RHOBTB1: variants seen among roughly 807,000 people sequenced by gnomAD.
RHOBTB1 encodes Rho related BTB domain containing 1, also known as rho-related BTB domain-containing protein 1.
A neutral mutation model predicts 71.6 loss-of-function variants in RHOBTB1; 40 were observed. The observed-to-expected ratio is 0.56, with a 90% CI of 0.43 to 0.73. The LOEUF (loss-of-function observed/expected upper bound fraction) is 0.73. Among genes scored for constraint, RHOBTB1 ranks in the 30% least tolerant of loss-of-function variants. The pLI, the probability that RHOBTB1 is intolerant of heterozygous loss-of-function variation, is 0.00. For missense variants in RHOBTB1, 797 were observed against 894.0 expected (o/e 0.89, Z 1.38); for synonymous variants, 319 against 334.9 (o/e 0.95, Z 0.52).
intron 2 of RHOBTB1, among the ~76,000 whole-genome samples, chr10:60,929,840 T>C (rs1057173574): frequency 1.3e-5 from 2 of 152,050 alleles, no homozygotes; most frequent in African/African-American, 2.4e-5. Flanking sequence ...ACATGGAGGA[T>C]CTGAATAACA....
At chr10:60,878,242 G>T (rs2081139144) in intron 7 of RHOBTB1, among the ~76,000 whole-genome samples, 184 bp from the exon 8 acceptor site, 1 of 152,200 alleles carries the variant, frequency 6.6e-6, no homozygotes, top group Non-Finnish European at 1.5e-5. Context: ...TTGATTTGTA[G>T]TTGACAAAAG....
chr10:60,872,285 G>A lies in RHOBTB1; in HGVS notation c.1821C>T (p.His607=), dbSNP rs1391072280. ...VLSYLELAQF[H]NAHQLAAWCL... is the part of the protein sequence containing the mutation. Reference sequence around the variant, plus strand: ...ACCAGGCGGCCAACTGGTGGGCATTGTGAAACTGCAGAAAAGTGAGCAAAA... The same window carrying A: ...ACCAGGCGGCCAACTGGTGGGCATTATGAAACTGCAGAAAAGTGAGCAAAA... Residue 607 remains histidine, a synonymous_variant, in exon 10 of 11, where the codon CAC becomes CAT. Transcript: ENST00000337910. 3 of 1,613,062 alleles carry A rather than the reference G, an allele frequency of 1.9e-6. No homozygotes were observed. The highest frequency in any genetic ancestry group is 2.7e-5 in the African/African-American group (2 of 74,902).
chr10:60,960,811 T>G (rs2085753729), intron 2 of RHOBTB1, among the ~76,000 whole-genome samples: 1 of 152,220 alleles, frequency 6.6e-6, no homozygotes, highest in Admixed American at 6.5e-5. Flanking sequence ...GCTACCTTGT[T>G]GCTTACCACT....
At chr10:60,899,175 A>G (rs1424538481) in intron 4 of RHOBTB1, among the ~76,000 whole-genome samples, 3 of 152,218 alleles carry the variant, frequency 2.0e-5, no homozygotes, top group Non-Finnish European at 2.9e-5. Flanking sequence ...CAGAAGTTGA[A>G]TGCATGTGAA....
intron 1 of RHOBTB1, chr10:60,985,954 G>A (rs2086646577): frequency 6.6e-6 from 1 of 152,160 alleles, no homozygotes; most frequent in Non-Finnish European, 1.5e-5. Context: ...ACCTAGGAAA[G>A]AGATATATAC....
intron 2 of RHOBTB1, among the ~76,000 whole-genome samples, chr10:60,953,900 AT>A (rs2085496609): frequency 6.6e-6 from 1 of 152,218 alleles, no homozygotes; most frequent in South Asian, 2.1e-4. Context: ...GGACTGAGAT[AT>A]TGGGAGATGG....
chr10:60,971,524 C>T (rs2086158490), intron 2 of RHOBTB1, among the ~76,000 whole-genome samples: 1 of 152,100 alleles, frequency 6.6e-6, no homozygotes, highest in African/African-American at 2.4e-5. Context: ...CCATTCCTTA[C>T]ACCTTATACA....
At position 60,974,777 on chromosome 10, in the gene RHOBTB1, G is replaced by A. The variant is rs118056323; in HGVS notation, c.-62+11068C>T. On this transcript the variant is annotated intron_variant, in intron 2 of 11. Transcript: ENST00000357917. ...TAATGTCACCTCTAATTACTTACTG[G>A]TTGCAGGAACCTGCAGAAGAGACTT... Among the ~76,000 whole-genome samples, 451 of 152,188 alleles carry A rather than the reference G, an allele frequency of 3.0e-3. 2 individuals are homozygous for A. Among genetic ancestry groups the A allele is most frequent in the Non-Finnish European group, 5.1e-3 (347 of 67,978 alleles).
chr10:60,914,625 G>A (rs574424017), intron 2 of RHOBTB1, among the ~76,000 whole-genome samples: 2 of 152,268 alleles, frequency 1.3e-5, no homozygotes, highest in South Asian at 4.1e-4. Context: ...CAGCCCCCAA[G>A]AAGGAATCCC....
At chr10:60,962,693 C>T (rs189997486) in intron 2 of RHOBTB1, among the ~76,000 whole-genome samples, 5 of 152,212 alleles carry the variant, frequency 3.3e-5, no homozygotes, top group South Asian at 2.1e-4. Context: ...AGTCTTAAAA[C>T]AATTTACCAT....
chr10:60,889,229 G>GA (rs761984741), intron 5 of RHOBTB1, 44 bp from the exon 6 acceptor site: 820 of 1,531,748 alleles, frequency 5.4e-4, no homozygotes, highest in Admixed American at 7.6e-4. Flanking sequence ...CTTGTTTTAG[G>GA]AAAAAAACAG....
chr10:60,958,202 A>C (rs1162196787), intron 2 of RHOBTB1, among the ~76,000 whole-genome samples: 1 of 152,206 alleles, frequency 6.6e-6, no homozygotes. Flanking sequence ...TATATGCATA[A>C]GGTTGAAGCC....
intron 2 of RHOBTB1, among the ~76,000 whole-genome samples, chr10:60,982,346 G>A (rs1356440398): frequency 1.3e-5 from 2 of 152,164 alleles, no homozygotes; most frequent in African/African-American, 2.4e-5. Flanking sequence ...TACCATTTAG[G>A]TGATGTGGAG....
chr10:60,863,978 T>C, the RHOBTB1 span, among the ~76,000 whole-genome samples: 4 of 152,198 alleles, frequency 2.6e-5, no homozygotes, highest in South Asian at 8.3e-4. Context: ...CTGAAATGCC[T>C]GGAGTTTCCA....
Position 60,961,811 on chromosome 10 carries a change from G to GT in RHOBTB1, c.-61-19958dup, listed in dbSNP as rs58771689. The stretch of plus-strand genomic sequence containing the variant: ...CAGTGGTGATTTATAACCTTTTTTT[G>GT]TTTTTTTTTTTTTTTGAGACAGAGT... On this transcript the variant is annotated intron_variant, in intron 2 of 11. Transcript: ENST00000357917. Among the ~76,000 whole-genome samples the GT allele has an allele frequency of 5.7e-3, 721 of 127,154 alleles. 6 individuals carry two copies. The highest frequency in any genetic ancestry group is 0.012 in the South Asian group (50 of 4,012). The allele number at this position is 127,154 out of a possible 152,430, so 83.4% of individuals were successfully genotyped here. A position where few individuals can be genotyped will look rare whatever the true frequency, so the allele number is the denominator to read the frequency against.
At chr10:60,906,721 T>C (rs561762897) in intron 4 of RHOBTB1, among the ~76,000 whole-genome samples, 1 of 152,304 alleles carries the variant, frequency 6.6e-6, no homozygotes, top group South Asian at 2.1e-4. Context: ...GTAGTTGTTA[T>C]CACTGTCAGC....
chr10:60,949,823 G>A (rs73266064), intron 2 of RHOBTB1, among the ~76,000 whole-genome samples: 4,295 of 152,186 alleles, frequency 0.028, 147 homozygotes, highest in African/African-American at 0.083. Flanking sequence ...TGTTAGTTCT[G>A]TGAAGACAAA....
At chr10:60,871,756 T>A in intron 10 of RHOBTB1, 105 bp from the exon 11 acceptor site, 1 of 1,079,190 alleles carries the variant, frequency 9.3e-7, no homozygotes, top group Non-Finnish European at 1.3e-6. Flanking sequence ...AAAAACGTGA[T>A]GCGGCAGAGA....
At chr10:60,883,349 C>T (rs1319002502) in intron 7 of RHOBTB1, among the ~76,000 whole-genome samples, 2 of 152,222 alleles carry the variant, frequency 1.3e-5, no homozygotes, top group African/African-American at 4.8e-5. Flanking sequence ...CATTCACATT[C>T]GCTGCCAAGT....
Sources: allele counts gnomAD v4.1 joint callset (sites outside exome capture counted in the v4.1 genomes callset), GRCh38; gene constraint gnomAD v4.1.1; transcripts MANE v1.5; gene names NCBI Gene and HGNC (gene_info 2026-07-23, HGNC 2026-07-21).